Variants in WDPCP observed in about 807,000 individuals in gnomAD.
The protein encoded by WDPCP is WD repeat-containing and planar cell polarity effector protein fritz homolog.
A neutral mutation model predicts 93.1 loss-of-function variants in WDPCP; 71 were observed. The ratio of observed to expected loss-of-function variants is 0.76; its 90% CI spans 0.63 to 0.93. The LOEUF is 0.93. WDPCP is among the 40% of genes least tolerant of loss of function. The pLI is 0.00. For synonymous variants in WDPCP, 315 were observed against 315.0 expected (o/e 1.00, Z 0.00); for missense variants, 844 against 887.4 (o/e 0.95, Z 0.62).
At chr2:63,214,765 A>G (rs1574895622) in intron 14 of WDPCP, among the ~76,000 whole-genome samples, 1 of 152,278 alleles carries the variant, frequency 6.6e-6, no homozygotes, top group African/African-American at 2.4e-5. Context: ...GATATGCAAC[A>G]TCAGCAAAGT....
intron 1 of WDPCP, among the ~76,000 whole-genome samples, chr2:63,556,774 C>T (rs906122873): frequency 6.6e-6 from 1 of 152,114 alleles, no homozygotes; most frequent in Admixed American, 6.5e-5. Flanking sequence ...GAGAGAAAGG[C>T]CAGGTCACCT....
intron 2 of WDPCP, among the ~76,000 whole-genome samples, chr2:63,795,068 C>T (rs966521294): frequency 6.6e-6 from 1 of 152,196 alleles, no homozygotes; most frequent in African/African-American, 2.4e-5. Flanking sequence ...ACTCTACTTC[C>T]AGCCTTCTTA....
intron 13 of WDPCP, among the ~76,000 whole-genome samples, chr2:63,299,750 C>A (rs1227500813): frequency 2.6e-5 from 4 of 152,168 alleles, no homozygotes; most frequent in Non-Finnish European, 5.9e-5. Flanking sequence ...CAGTCCCCTT[C>A]CATAGTGATG....
chr2:63,486,978 G>A (rs1280639617), intron 3 of WDPCP, among the ~76,000 whole-genome samples: 4 of 151,934 alleles, frequency 2.6e-5, no homozygotes, highest in African/African-American at 7.2e-5. Flanking sequence ...CCACTTCAAC[G>A]GAGACCAAAA....
At chr2:63,776,655 C>CAAAAAAAAAAAAAAAAAAAAA (rs778768889) in intron 2 of WDPCP, among the ~76,000 whole-genome samples, 2 of 54,018 alleles carry the variant, frequency 3.7e-5, no homozygotes, top group Non-Finnish European at 6.5e-5. Flanking sequence ...GGCCCTGTCT[C>CAAAAAAAAAAAAAAAAAAAAA]AAAAAAAAAA....
intron 1 of WDPCP, among the ~76,000 whole-genome samples, chr2:63,506,752 G>A (rs1701899995): frequency 6.6e-6 from 1 of 152,006 alleles, no homozygotes; most frequent in African/African-American, 2.4e-5. Context: ...AACACAGTTG[G>A]CCAATGATCT....
At chr2:63,691,700 G>C (rs1247861087) in intron 2 of WDPCP, among the ~76,000 whole-genome samples, 1 of 152,110 alleles carries the variant, frequency 6.6e-6, no homozygotes, top group East Asian at 1.9e-4. Context: ...AACCAGCTGA[G>C]ACTGTAAAAG....
At chr2:63,555,608 T>A (rs927231162) in intron 1 of WDPCP, among the ~76,000 whole-genome samples, 2 of 152,076 alleles carry the variant, frequency 1.3e-5, no homozygotes, top group African/African-American at 4.8e-5. Flanking sequence ...ATCAGGTCGG[T>A]GCCCCTCTGG....
chr2:63,356,097 T>TAGAAAA (rs1246343493), intron 12 of WDPCP, among the ~76,000 whole-genome samples: 1 of 151,844 alleles, frequency 6.6e-6, no homozygotes, highest in Non-Finnish European at 1.5e-5. Flanking sequence ...ACCAAACAAA[T>TAGAAAA]AGAAAACAGA....
intron 14 of WDPCP, among the ~76,000 whole-genome samples, chr2:63,236,425 G>T (rs1251442467): frequency 6.6e-6 from 1 of 152,130 alleles, no homozygotes; most frequent in African/African-American, 2.4e-5. Flanking sequence ...CAGATTAAAT[G>T]CTATTCCTAT....
chr2:63,386,730 G>C (rs1170622242), intron 10 of WDPCP, among the ~76,000 whole-genome samples: 1 of 151,972 alleles, frequency 6.6e-6, no homozygotes, highest in Non-Finnish European at 1.5e-5. Context: ...ACTTGTAGAT[G>C]AAAGTACATA....
At chr2:63,222,795 A>C (rs1677951551) in intron 14 of WDPCP, among the ~76,000 whole-genome samples, 1 of 152,132 alleles carries the variant, frequency 6.6e-6, no homozygotes, top group Non-Finnish European at 1.5e-5. Flanking sequence ...TATTTTTTTA[A>C]CTTATAAATT....
chr2:63,508,160 A>C (rs1410908891), intron 1 of WDPCP, among the ~76,000 whole-genome samples: 1 of 152,184 alleles, frequency 6.6e-6, no homozygotes, highest in African/African-American at 2.4e-5. Context: ...GAAATGAGGG[A>C]AAAAACGTTA....
intron 12 of WDPCP, among the ~76,000 whole-genome samples, chr2:63,361,525 TAGA>T (rs760193529): frequency 3.3e-5 from 5 of 152,132 alleles, no homozygotes; most frequent in Non-Finnish European, 5.9e-5. Context: ...GAAAAATTTG[TAGA>T]AGATTATGAG....
intron 1 of WDPCP, among the ~76,000 whole-genome samples, chr2:63,558,205 T>C (rs371087098): frequency 3.3e-5 from 5 of 151,456 alleles, no homozygotes; most frequent in East Asian, 3.9e-4. Flanking sequence ...TTTTTGAAAA[T>C]TAACAAAATA....
intron 13 of WDPCP, among the ~76,000 whole-genome samples, chr2:63,312,947 C>T (rs1686289192): frequency 6.6e-6 from 1 of 151,836 alleles, no homozygotes; most frequent in East Asian, 1.9e-4. Flanking sequence ...TTTAAGCTTA[C>T]TAGATAGATA....
chr2:63,285,062 C>T (rs1397431593), intron 13 of WDPCP, among the ~76,000 whole-genome samples: 2 of 152,004 alleles, frequency 1.3e-5, no homozygotes, highest in South Asian at 2.1e-4. Context: ...AGGCAAAGAA[C>T]AGATATGATA....
At chr2:63,381,664 A>C (rs1042530153) in intron 11 of WDPCP, among the ~76,000 whole-genome samples, 2 of 152,148 alleles carry the variant, frequency 1.3e-5, no homozygotes, top group Non-Finnish European at 2.9e-5. Context: ...CAATGACTGC[A>C]CTGTAAGCTC....
At chr2:63,716,828 G>T (rs1428444499) in intron 2 of WDPCP, among the ~76,000 whole-genome samples, 3 of 152,152 alleles carry the variant, frequency 2.0e-5, no homozygotes, top group African/African-American at 7.2e-5. Flanking sequence ...CTAATTAAAG[G>T]CCAAAGGATT....
Sources: gnomAD v4.1 joint callset for allele counts (sites outside exome capture counted in the v4.1 genomes callset) on GRCh38, gnomAD v4.1.1 for gene constraint, MANE v1.5 for transcripts, NCBI Gene and HGNC (gene_info 2026-07-23, HGNC 2026-07-21) for gene names.